ALKBH1: variants seen among roughly 807,000 people sequenced by gnomAD.
The protein encoded by ALKBH1 is nucleic acid dioxygenase ALKBH1.
Under a neutral mutation model 36.6 loss-of-function variants are expected in ALKBH1, and 31 were observed. The observed-to-expected ratio is 0.85, with a 90% CI of 0.64 to 1.14. ALKBH1 has a LOEUF of 1.14. ALKBH1 is among the 50% of genes most tolerant of loss of function. The pLI is 0.00. For missense variants in ALKBH1, 490 were observed against 497.3 expected (o/e 0.99, Z 0.14); for synonymous variants, 183 against 186.6 (o/e 0.98, Z 0.16).
At chr14:77,680,186 C>T (rs373602379) in intron 3 of ALKBH1, among the ~76,000 whole-genome samples, 18 of 151,874 alleles carry the variant, frequency 1.2e-4, no homozygotes, top group African/African-American at 4.4e-4. Flanking sequence ...GTTCTAAATC[C>T]TCTGCTGAAT....
chr14:77,677,240 A>T (rs1328518539), intron 4 of ALKBH1, among the ~76,000 whole-genome samples: 1 of 152,058 alleles, frequency 6.6e-6, no homozygotes, highest in Non-Finnish European at 1.5e-5. Flanking sequence ...GGGTTTCACC[A>T]TGTTGGCCAG....
chr14:77,690,875 C>G (rs1319859754), intron 3 of ALKBH1, among the ~76,000 whole-genome samples: 1 of 151,862 alleles, frequency 6.6e-6, no homozygotes, highest in African/African-American at 2.4e-5. Flanking sequence ...GATCTCGGCT[C>G]ACCGCAACCT....
At chr14:77,675,432 T>C (rs1240078675) in intron 5 of ALKBH1, among the ~76,000 whole-genome samples, 1 of 129,284 alleles carries the variant, frequency 7.7e-6, no homozygotes, top group African/African-American at 3.0e-5. Flanking sequence ...AGACTCTGTT[T>C]CAAAAAAAAA....
In ALKBH1 at chr14:77,703,134, A is replaced by C. The variant is rs548406096; in HGVS notation, c.292+1235T>G. ...GTACTCCAGCCTGGGCGACAGAGTG[A>C]GACTGTCTGGGAAAAAAAAATTTTG... On this transcript the variant is annotated intron_variant, in intron 2 of 5. Transcript: ENST00000216489. Among the ~76,000 whole-genome samples, 13 of 151,962 alleles carry C rather than the reference A, an allele frequency of 8.6e-5. No individual in the cohort carries two copies. In the East Asian group the frequency reaches 2.3e-3, roughly 27 times the overall value.
intron 3 of ALKBH1, among the ~76,000 whole-genome samples, chr14:77,687,628 A>G (rs748000990): frequency 6.6e-6 from 1 of 152,090 alleles, no homozygotes; most frequent in Non-Finnish European, 1.5e-5. Context: ...TTTTCATTAC[A>G]CCAATTAATT....
At chr14:77,694,692 GATC>G (rs2080317223) in intron 3 of ALKBH1, 43 bp downstream of exon 3, 1 of 1,441,798 alleles carries the variant, frequency 6.9e-7, no homozygotes, top group Non-Finnish European at 9.2e-7. Context: ...GACCTGTGAT[GATC>G]TGAGCTGAGT....
At position 77,694,814 on chromosome 14, in the gene ALKBH1, T is replaced by G; in HGVS notation, c.379A>C (p.Asn127His). 6.2e-7 allele frequency: 1 copy of G among 1,607,988 alleles called. No individual in the cohort carries two copies. The highest frequency in any genetic ancestry group is 2.2e-5 in the East Asian group (1 of 44,722). ...ATGTGTTTGTCCAGGTTACATACATTAGGTTTCTGGGAATATAACTTAAGG... is the reference window on the plus strand; with the variant it reads ...ATGTGTTTGTCCAGGTTACATACATGAGGTTTCTGGGAATATAACTTAAGG... ...QCLKLYSQKP[N>H]VCNLDKHMSK... The change falls in exon 3 of 6, where the codon AAT becomes CAT. Residue 127 changes from asparagine to histidine, a missense_variant. Transcript: ENST00000216489.
intron 3 of ALKBH1, among the ~76,000 whole-genome samples, chr14:77,683,040 T>A (rs2080246889): frequency 6.6e-6 from 1 of 152,082 alleles, no homozygotes; most frequent in African/African-American, 2.4e-5. Context: ...AATATAGAGA[T>A]GTAGTCTCAC....
At chr14:77,684,711 C>T (rs570489881) in intron 3 of ALKBH1, among the ~76,000 whole-genome samples, 1 of 152,212 alleles carries the variant, frequency 6.6e-6, no homozygotes, top group South Asian at 2.1e-4. Flanking sequence ...CCATGCCTGG[C>T]TAATTTTTAA....
chr14:77,700,741 T>C (rs1224372226), intron 2 of ALKBH1, among the ~76,000 whole-genome samples: 1 of 152,124 alleles, frequency 6.6e-6, no homozygotes, highest in Non-Finnish European at 1.5e-5. Flanking sequence ...AAATTTAACA[T>C]CTCTTTAGGC....
chr14:77,685,413 G>C (rs2080262342), intron 3 of ALKBH1, among the ~76,000 whole-genome samples: 1 of 149,592 alleles, frequency 6.7e-6, no homozygotes. Context: ...CTCCAGCCTG[G>C]GCGACAGAGT....
chr14:77,704,606 G>T, intron 1 of ALKBH1, 129 bp from the exon 2 acceptor site: 1 of 695,394 alleles, frequency 1.4e-6, no homozygotes, highest in Non-Finnish European at 2.5e-6. Context: ...ACAGAACCTT[G>T]CTCTATTGCT....
intron 5 of ALKBH1, among the ~76,000 whole-genome samples, chr14:77,675,174 T>C (rs958927490): frequency 6.6e-5 from 10 of 152,106 alleles, no homozygotes; most frequent in Admixed American, 3.3e-4. Context: ...GGCTCATGCC[T>C]GTAATCTCAG....
At chr14:77,693,225 T>A (rs11624261) in intron 3 of ALKBH1, among the ~76,000 whole-genome samples, 5 of 37,780 alleles carry the variant, frequency 1.3e-4, no homozygotes, top group Admixed American at 3.8e-4. Flanking sequence ...AAAAAAAAAA[T>A]TTTTTTTCAT....
At chr14:77,679,444 T>C (rs980451180) in intron 4 of ALKBH1, among the ~76,000 whole-genome samples, 1 of 151,972 alleles carries the variant, frequency 6.6e-6, no homozygotes, top group Non-Finnish European at 1.5e-5. Flanking sequence ...TTTTTTTTCT[T>C]TTCTGAGACA....
At chr14:77,685,969 T>C (rs1419169544) in intron 3 of ALKBH1, among the ~76,000 whole-genome samples, 2 of 152,176 alleles carry the variant, frequency 1.3e-5, no homozygotes, top group East Asian at 1.9e-4. Context: ...ATTAGACCCA[T>C]GTAAGTGCAT....
chr14:77,680,585 C>T (rs1455902182), intron 3 of ALKBH1, among the ~76,000 whole-genome samples: 3 of 151,838 alleles, frequency 2.0e-5, no homozygotes, highest in Non-Finnish European at 4.4e-5. Flanking sequence ...TCTGACATAC[C>T]CTTGTTCAAA....
intron 3 of ALKBH1, chr14:77,684,057 C>T (rs1366006045): frequency 1.3e-5 from 2 of 152,310 alleles, no homozygotes; most frequent in African/African-American, 2.4e-5. Context: ...TACTGAAAGC[C>T]TTTACAGAAC....
At chr14:77,704,323 T>C (rs749011769) in intron 2 of ALKBH1, 46 bp downstream of exon 2, 4 of 1,335,084 alleles carry the variant, frequency 3.0e-6, no homozygotes, top group Non-Finnish European at 3.2e-6. Context: ...CATGAAGACA[T>C]AAATGATTGA....
Sources: gnomAD v4.1 joint callset for allele counts (sites outside exome capture counted in the v4.1 genomes callset) on GRCh38, gnomAD v4.1.1 for gene constraint, MANE v1.5 for transcripts, NCBI Gene and HGNC (gene_info 2026-07-23, HGNC 2026-07-21) for gene names.